PACRGL: variants seen among roughly 807,000 people sequenced by gnomAD.
The protein encoded by PACRGL is PACRG-like protein.
PACRGL carries 38 observed loss-of-function variants against 34.5 expected under a neutral mutation model. The ratio of observed to expected loss-of-function variants is 1.10; its 90% CI spans 0.85 to 1.44. The LOEUF is 1.44. Among genes scored for constraint, PACRGL ranks in the 40% most tolerant of loss-of-function variants. The pLI is 0.00. For missense variants in PACRGL, 305 were observed against 281.4 expected (o/e 1.08, Z -0.60); for synonymous variants, 128 against 100.1 (o/e 1.28, Z -1.66).
the PACRGL span, among the ~76,000 whole-genome samples, chr4:20,763,044 A>G: frequency 6.6e-6 from 1 of 152,116 alleles, no homozygotes; most frequent in Non-Finnish European, 1.5e-5. Context: ...CGAGAACAGC[A>G]TGGGGGAACT....
chr4:20,709,395 T>C (rs568037104), intron 4 of PACRGL, among the ~76,000 whole-genome samples: 27 of 152,330 alleles, frequency 1.8e-4, no homozygotes, highest in Non-Finnish European at 3.1e-4. Context: ...TTGTGTCATA[T>C]CACTGAAAGA....
chr4:20,758,740 A>G, the PACRGL span: 5 of 1,006,098 alleles, frequency 5.0e-6, no homozygotes, highest in Non-Finnish European at 7.8e-6. Flanking sequence ...ATGTAGCATC[A>G]TGCTATGAAA....
At position 20,730,896 on chromosome 4, in the gene PACRGL, C is replaced by T. The variant is rs1747959270; in HGVS notation, c.*3555C>T. Among the ~76,000 whole-genome samples, 1 of 152,040 alleles carries T rather than the reference C, an allele frequency of 6.6e-6. No homozygotes were observed. The highest frequency in any genetic ancestry group is 1.5e-5 in the Non-Finnish European group (1 of 68,010). ...CAATAATGGCTTCCACTGCTAGAAACCAAGTAACATCACCGTCAAGCAGCT... is the reference window on the plus strand; with the variant it reads ...CAATAATGGCTTCCACTGCTAGAAATCAAGTAACATCACCGTCAAGCAGCT... On this transcript the variant is annotated 3_prime_UTR_variant, in exon 9 of 9. Transcript: ENST00000503585.
chr4:20,709,343 A>T (rs1470053921), intron 4 of PACRGL, among the ~76,000 whole-genome samples: 1 of 152,102 alleles, frequency 6.6e-6, no homozygotes. Context: ...TTTAATAATT[A>T]CTATGTTTTG....
upstream of PACRGL, among the ~76,000 whole-genome samples, chr4:20,700,247 C>G (rs1320650796): frequency 6.6e-6 from 1 of 152,200 alleles, no homozygotes; most frequent in Non-Finnish European, 1.5e-5. Flanking sequence ...ACCTCTTATT[C>G]GAAAAACATC....
At chr4:20,711,697 C>G (rs1737285305) in intron 5 of PACRGL, among the ~76,000 whole-genome samples, 1 of 152,038 alleles carries the variant, frequency 6.6e-6, no homozygotes. Flanking sequence ...TTTGCTTTAT[C>G]ATTTCGAAAA....
chr4:20,704,359 G>A (rs1733600312), intron 1 of PACRGL, 107 bp from the exon 2 acceptor site: 3 of 994,786 alleles, frequency 3.0e-6, no homozygotes, highest in African/African-American at 1.7e-5. Flanking sequence ...ACTTTTTTGT[G>A]TGTCTTTTAC....
In PACRGL at chr4:20,730,496, A is replaced by G. The variant is rs929454373; in HGVS notation, c.*3155A>G. Among the ~76,000 whole-genome samples, 10 of 152,174 alleles carry G rather than the reference A, an allele frequency of 6.6e-5. No individual in the cohort carries two copies. Among genetic ancestry groups the G allele is most frequent in the African/African-American group, 2.4e-4 (10 of 41,438 alleles). On this transcript the variant is annotated 3_prime_UTR_variant, in exon 9 of 9. Coordinates refer to ENST00000503585, the MANE Select transcript of PACRGL (RefSeq NM_001258345.3). ...GGCATTCTATGTAGATCACAGGCCA[A>G]ATCACACAGACTTTTATACAGGTAC...
Position 20,728,890 on chromosome 4 carries a change from A to T in PACRGL, c.*1549A>T, listed in dbSNP as rs1000620499. The stretch of plus-strand genomic sequence containing the variant: ...AGGGACGATGTGTGTGGCTTTAGTA[A>T]TGTGGCAACTTTACAGTTTTGGCTA... On this transcript the variant is annotated 3_prime_UTR_variant, in exon 9 of 9. Coordinates refer to ENST00000503585, the MANE Select transcript of PACRGL (RefSeq NM_001258345.3). 3 of 151,818 alleles carry T rather than the reference A, an allele frequency of 2.0e-5. No individual in the cohort carries two copies. Among genetic ancestry groups the T allele is most frequent in the Non-Finnish European group, 4.4e-5 (3 of 67,976 alleles). 9.4% of individuals were successfully genotyped at this position (151,818 alleles called of 1,614,324 possible).
At chr4:20,765,911 G>C in the PACRGL span, among the ~76,000 whole-genome samples, 1 of 152,204 alleles carries the variant, frequency 6.6e-6, no homozygotes, top group Non-Finnish European at 1.5e-5. Flanking sequence ...TGAGGGTCAA[G>C]ATTAGTTGTA....
rs1160169512 is a variant in PACRGL at position 20,748,894 on chromosome 4, G to GTGTATATA, written c.*57-3670_*57-3669insGTATATAT. Among the ~76,000 whole-genome samples the GTGTATATA allele has an allele frequency of 4.4e-3, 645 of 145,208 alleles. 1 individual carries two copies. Among genetic ancestry groups the GTGTATATA allele is most frequent in the African/African-American group, 9.7e-3 (385 of 39,712 alleles). On this transcript the variant is annotated intron_variant, in intron 8 of 8. Coordinates refer to the PACRGL transcript ENST00000507634. ...CGTGTGTGTGTGTATGTGTGTGTGT[G>GTGTATATA]TATATATATATATATATATATATGA...
chr4:20,767,252 G>A, the PACRGL span: 1 of 152,108 alleles, frequency 6.6e-6, no homozygotes, highest in East Asian at 1.9e-4. Flanking sequence ...AGTGTTATAA[G>A]TTGAATCACT....
intron 3 of PACRGL, 91 bp downstream of exon 3, chr4:20,704,905 C>T: frequency 4.2e-6 from 6 of 1,427,034 alleles, no homozygotes; most frequent in Non-Finnish European, 4.8e-6. Context: ...GAGTTTTGTC[C>T]CTTTGCTAGT....
chr4:20,753,161 G>A (rs1753934465), downstream of PACRGL, among the ~76,000 whole-genome samples: 1 of 152,126 alleles, frequency 6.6e-6, no homozygotes, highest in African/African-American at 2.4e-5. Flanking sequence ...ATACTATTTA[G>A]CATTGTATTT....
At chr4:20,749,451 A>G (rs577163725) in intron 8 of PACRGL, among the ~76,000 whole-genome samples, 115 of 152,288 alleles carry the variant, frequency 7.6e-4, no homozygotes, top group Non-Finnish European at 1.2e-3. Flanking sequence ...TCCTTGTATG[A>G]GCCGATATAA....
At position 20,728,759 on chromosome 4, in the gene PACRGL, A is replaced by T. The variant is rs1282195290; in HGVS notation, c.*1418A>T. Reference sequence around the variant, plus strand: ...ACTGGTGATAGCAGGGCAGCTTTCAACATCCTATCTCTACACCAGAATAGA... The same window carrying T: ...ACTGGTGATAGCAGGGCAGCTTTCATCATCCTATCTCTACACCAGAATAGA... On this transcript the variant is annotated 3_prime_UTR_variant, in exon 9 of 9. Transcript: ENST00000503585. 1.3e-5 allele frequency: 2 copies of T among 152,606 alleles called. No individual in the cohort carries two copies. Among genetic ancestry groups the T allele is most frequent in the Non-Finnish European group, 2.9e-5 (2 of 68,022 alleles). 9.5% of individuals were successfully genotyped at this position (152,606 alleles called of 1,614,324 possible).
At chr4:20,748,790 T>C (rs1015079523) in intron 8 of PACRGL, among the ~76,000 whole-genome samples, 1 of 150,028 alleles carries the variant, frequency 6.7e-6, no homozygotes, top group African/African-American at 2.4e-5. Flanking sequence ...AGAGTTCATG[T>C]TGGGTTTATT....
At chr4:20,714,632 T>A (rs1274880154) in intron 7 of PACRGL, among the ~76,000 whole-genome samples, 1 of 152,206 alleles carries the variant, frequency 6.6e-6, no homozygotes, top group Non-Finnish European at 1.5e-5. Context: ...TTGCAGTGGC[T>A]GGTACAGGTT....
chr4:20,764,758 CA>C, the PACRGL span, among the ~76,000 whole-genome samples: 14 of 151,644 alleles, frequency 9.2e-5, no homozygotes, highest in African/African-American at 3.4e-4. Context: ...ATCCAATCGT[CA>C]TTCTGAAAAT....
Sources: allele counts gnomAD v4.1 joint callset (sites outside exome capture counted in the v4.1 genomes callset), GRCh38; gene constraint gnomAD v4.1.1; transcripts MANE v1.5; gene names NCBI Gene and HGNC (gene_info 2026-07-23, HGNC 2026-07-21).